The following ASAP2 variants were observed in gnomAD, a reference collection of about 807,000 sequenced individuals.
ASAP2 encodes arf-GAP with SH3 domain, ANK repeat and PH domain-containing protein 2.
A neutral mutation model predicts 131.4 loss-of-function variants in ASAP2; 45 were observed. The observed-to-expected ratio is 0.34, with a 90% CI of 0.27 to 0.44. The LOEUF (loss-of-function observed/expected upper bound fraction) is 0.44. Ranked by LOEUF, ASAP2 falls within the 20% of genes least tolerant of loss-of-function variation. ASAP2 has a pLI of 1.00. For synonymous variants in ASAP2, 510 were observed against 503.0 expected (o/e 1.01, Z -0.19); for missense variants, 1,011 against 1,297.0 (o/e 0.78, Z 3.39).
chr2:9,270,271 TC>T, intron 1 of ASAP2, among the ~76,000 whole-genome samples: 1 of 152,260 alleles, frequency 6.6e-6, no homozygotes, highest in Non-Finnish European at 1.5e-5. Flanking sequence ...AAGTTGCTTT[TC>T]CCCCGCTCTG....
intron 6 of ASAP2, among the ~76,000 whole-genome samples, chr2:9,324,014 T>C (rs886614838): frequency 6.6e-6 from 1 of 152,166 alleles, no homozygotes; most frequent in Non-Finnish European, 1.5e-5. Flanking sequence ...CCAGCGAAGC[T>C]CCCTTGCACT....
intron 1 of ASAP2, among the ~76,000 whole-genome samples, chr2:9,211,376 G>A (rs1157409350): frequency 6.6e-6 from 1 of 151,612 alleles, no homozygotes; most frequent in African/African-American, 2.4e-5. Flanking sequence ...AGGGTTTTTT[G>A]TTCCTTTTTT....
intron 9 of ASAP2, among the ~76,000 whole-genome samples, chr2:9,341,780 A>G (rs2148592489): frequency 6.6e-6 from 1 of 152,274 alleles, no homozygotes; most frequent in South Asian, 2.1e-4. Context: ...TTTGGTGCCG[A>G]TGTTCCGCCC....
Position 9,207,304 on chromosome 2 carries a change from C to T in ASAP2, c.126+74C>T. ...GCCCCGCCCGCCGCTCCCGCATCCG[C>T]ATCCCGAGAAAACTTTCTTTGCTCC... is the stretch of plus-strand genomic sequence containing the variant. On this transcript the variant is annotated intron_variant, in intron 1 of 27. Transcript: ENST00000281419. This position sits in a 1 kb window ranked among gnomAD's most constrained non-coding sequence, Gnocchi z 4.1. The T allele has an allele frequency of 6.9e-7, 1 of 1,441,832 alleles. No homozygotes were observed. The highest frequency in any genetic ancestry group is 9.1e-7 in the Non-Finnish European group (1 of 1,099,200). 89.3% of individuals were successfully genotyped at this position (1,441,832 alleles called of 1,614,324 possible).
rs769615812 is a variant in ASAP2 at position 9,391,140 on chromosome 2, C to T, written c.2462C>T (p.Ser821Leu). ...GACGGTGGAAGCCGGCAGCGATCTT[C>T]GTCAGATCCGCCAGCTGTCCATCCA... ...SVDGGSRQRS[S>L]SDPPAVHPPL... Residue 821 changes from serine to leucine, a missense_variant, in exon 23 of 28, where the codon TCG becomes TTG. Coordinates refer to ENST00000281419, the MANE Select transcript of ASAP2 (RefSeq NM_003887.3). The T allele has an allele frequency of 2.7e-5, 44 of 1,613,924 alleles. No homozygotes were observed. The highest frequency in any genetic ancestry group is 1.9e-4 in the South Asian group (17 of 91,086).
At chr2:9,298,210 CT>C (rs1668270946) in intron 3 of ASAP2, among the ~76,000 whole-genome samples, 1 of 152,212 alleles carries the variant, frequency 6.6e-6, no homozygotes, top group Non-Finnish European at 1.5e-5. Context: ...CTCAGTAATG[CT>C]TTCTCTGTAG....
intron 15 of ASAP2, 82 bp downstream of exon 15, chr2:9,358,971 G>C (rs745359862): frequency 3.8e-5 from 57 of 1,492,302 alleles, no homozygotes; most frequent in Admixed American, 3.3e-4. Context: ...AATCCATTTT[G>C]GTAAGCTAGT....
chr2:9,210,653 C>G (rs1307446285), intron 1 of ASAP2, among the ~76,000 whole-genome samples: 1 of 151,886 alleles, frequency 6.6e-6, no homozygotes, highest in African/African-American at 2.4e-5. Flanking sequence ...CTCCCAGGTT[C>G]ATGCCATTCT....
intron 1 of ASAP2, among the ~76,000 whole-genome samples, chr2:9,252,412 C>G (rs2148140721): frequency 6.6e-6 from 1 of 152,158 alleles, no homozygotes; most frequent in African/African-American, 2.4e-5. Flanking sequence ...AAAACCCCAT[C>G]TTTACTAAAA....
chr2:9,238,360 T>C (rs1218656314), intron 1 of ASAP2, among the ~76,000 whole-genome samples: 1 of 152,232 alleles, frequency 6.6e-6, no homozygotes, highest in African/African-American at 2.4e-5. Flanking sequence ...GGGAACCGCT[T>C]GATATTTGAC....
intron 11 of ASAP2, 118 bp from the exon 12 acceptor site, chr2:9,350,690 C>T (rs1180938393): frequency 1.2e-5 from 10 of 802,272 alleles, no homozygotes; most frequent in Non-Finnish European, 1.9e-5. Flanking sequence ...CTGAAGGCCA[C>T]CTTTGCAAAC....
At chr2:9,269,465 G>T (rs369884764) in intron 1 of ASAP2, among the ~76,000 whole-genome samples, 13 of 152,228 alleles carry the variant, frequency 8.5e-5, no homozygotes, top group African/African-American at 2.9e-4. Flanking sequence ...TCAGCCTGTG[G>T]TGACACAGGA....
chr2:9,353,553 TA>T (rs33912331), intron 12 of ASAP2, among the ~76,000 whole-genome samples: 64,963 of 145,402 alleles, frequency 0.45, 17,806 homozygotes, highest in African/African-American at 0.79. Context: ...CAAGACTGTC[TA>T]AAAAAAAAAA....
intron 3 of ASAP2, among the ~76,000 whole-genome samples, chr2:9,317,463 C>T (rs1669816032): frequency 6.7e-6 from 1 of 149,704 alleles, no homozygotes; most frequent in South Asian, 2.2e-4. Flanking sequence ...CATGTGCATT[C>T]ACCTTATACT....
chr2:9,269,091 T>G (rs915046913), intron 1 of ASAP2, among the ~76,000 whole-genome samples: 1 of 152,062 alleles, frequency 6.6e-6, no homozygotes, highest in Non-Finnish European at 1.5e-5. Context: ...AGTAAATATT[T>G]TAGGTTTGGC....
At chr2:9,227,111 A>C (rs907259865) in intron 1 of ASAP2, among the ~76,000 whole-genome samples, 1 of 152,186 alleles carries the variant, frequency 6.6e-6, no homozygotes, top group Non-Finnish European at 1.5e-5. Context: ...CTCATCTGCC[A>C]TCCGGCGTCT....
chr2:9,292,904 C>T (rs928593571), intron 2 of ASAP2, among the ~76,000 whole-genome samples: 9 of 152,172 alleles, frequency 5.9e-5, no homozygotes, highest in African/African-American at 1.2e-4. Flanking sequence ...GGCTGGGGGA[C>T]GCCCATCCTC....
chr2:9,395,260 G>C (rs971733459), intron 24 of ASAP2, among the ~76,000 whole-genome samples: 3 of 152,066 alleles, frequency 2.0e-5, no homozygotes, highest in Non-Finnish European at 4.4e-5. Context: ...ATCACCTGAG[G>C]TCCAGAGTTT....
chr2:9,374,899 T>A lies in ASAP2; in HGVS notation c.1701T>A (p.Ala567=), dbSNP rs1674272819. The change falls in exon 17 of 28, where the codon GCT becomes GCA. Residue 567 remains alanine, a synonymous_variant. Coordinates refer to ENST00000281419, the MANE Select transcript of ASAP2 (RefSeq NM_003887.3). ...TTTTTGGATTGCTCCAAGCTTATGC[T>A]GATGGTGTGGATCTTACGGAAAAAA... ...RDIFGLLQAY[A]DGVDLTEKIP... The A allele has an allele frequency of 6.2e-7, 1 of 1,613,086 alleles. No individual in the cohort carries two copies. The highest frequency in any genetic ancestry group is 8.5e-7 in the Non-Finnish European group (1 of 1,179,788).
Sources: allele counts gnomAD v4.1 joint callset (sites outside exome capture counted in the v4.1 genomes callset), GRCh38; gene constraint gnomAD v4.1.1; non-coding constraint Gnocchi (gnomAD v3.1); transcripts MANE v1.5; gene names NCBI Gene and HGNC (gene_info 2026-07-23, HGNC 2026-07-21).